The following CNTNAP2 variants were observed in gnomAD, a reference collection of about 807,000 sequenced individuals.
CNTNAP2 encodes the protein contactin associated protein 2.
A neutral mutation model predicts 155.2 loss-of-function variants in CNTNAP2; 98 were observed. The ratio of observed to expected loss-of-function variants is 0.63; its 90% CI spans 0.54 to 0.75. The LOEUF (loss-of-function observed/expected upper bound fraction) is 0.75, where lower values mean the gene tolerates loss of function less well. Ranked by LOEUF, CNTNAP2 falls within the 30% of genes least tolerant of loss-of-function variation. CNTNAP2 has a pLI of 0.00. For synonymous variants in CNTNAP2, 651 were observed against 631.2 expected, an observed-to-expected ratio of 1.03 and a Z score of -0.47; for missense variants, 1,727 against 1,688.1, an observed-to-expected ratio of 1.02 and a Z score of -0.40.
At chr7:148,330,738 G>GA (rs1421105828) in intron 21 of CNTNAP2, among the ~76,000 whole-genome samples, 4 of 146,870 alleles carry the variant, frequency 2.7e-5, no homozygotes, top group African/African-American at 7.6e-5. Context: ...TGGATGGATG[G>GA]ATGGATGGAT....
intron 13 of CNTNAP2, among the ~76,000 whole-genome samples, chr7:147,789,654 G>A: frequency 6.6e-6 from 1 of 152,198 alleles, no homozygotes; most frequent in East Asian, 1.9e-4. Flanking sequence ...TCAGTGGACT[G>A]GGAGCGAAAG....
At chr7:148,401,757 C>A (rs1406102110) in intron 22 of CNTNAP2, among the ~76,000 whole-genome samples, 2 of 152,096 alleles carry the variant, frequency 1.3e-5, no homozygotes, top group African/African-American at 4.8e-5. Context: ...CACCACCACA[C>A]CCAGCTACTT....
At chr7:147,951,868 A>G (rs937704781) in intron 14 of CNTNAP2, among the ~76,000 whole-genome samples, 7 of 152,008 alleles carry the variant, frequency 4.6e-5, no homozygotes, top group African/African-American at 1.4e-4. Flanking sequence ...GCAAACCACC[A>G]TGGCACATGT....
chr7:147,370,904 A>AT (rs556495229), intron 9 of CNTNAP2, among the ~76,000 whole-genome samples: 82 of 152,284 alleles, frequency 5.4e-4, no homozygotes, highest in Middle Eastern at 6.8e-3. Flanking sequence ...TATGCTTAGT[A>AT]TTACCAATTG....
chr7:146,848,248 G>A (rs1046581824), intron 3 of CNTNAP2, among the ~76,000 whole-genome samples: 3 of 152,286 alleles, frequency 2.0e-5, no homozygotes, highest in African/African-American at 4.8e-5. Context: ...GAACTCTCAC[G>A]AGAAAGAGGA....
chr7:146,495,925 A>C (rs1294360393), intron 1 of CNTNAP2, among the ~76,000 whole-genome samples: 2 of 152,148 alleles, frequency 1.3e-5, no homozygotes, highest in East Asian at 3.9e-4. Context: ...GAGGAAAATG[A>C]GCAGCAAAGA....
chr7:148,407,726 G>T (rs1367824777), intron 22 of CNTNAP2, among the ~76,000 whole-genome samples: 1 of 66,466 alleles, frequency 1.5e-5, no homozygotes, highest in Admixed American at 1.4e-4. Flanking sequence ...AAAAAAAAAA[G>T]GATTGAGCCA....
rs1195434690 is a variant in CNTNAP2 at position 148,143,736 on chromosome 7, C to T, written c.2555-3755C>T. Among the ~76,000 whole-genome samples the T allele has an allele frequency of 2.0e-5, 3 of 152,164 alleles. No homozygotes were observed. In the East Asian group the frequency reaches 5.8e-4, roughly 29 times the overall value. On this transcript the variant is annotated intron_variant, in intron 16 of 23. Coordinates refer to ENST00000361727, the MANE Select transcript of CNTNAP2 (RefSeq NM_014141.6). ...AACAATGTCAGCCATGACCCAGGCTCATCCTCTGTCCTCTCTGTCCTCTGT... is the reference window on the plus strand; with the variant it reads ...AACAATGTCAGCCATGACCCAGGCTTATCCTCTGTCCTCTCTGTCCTCTGT...
intron 15 of CNTNAP2, among the ~76,000 whole-genome samples, chr7:147,997,588 G>GCA (rs1563162106): frequency 6.6e-6 from 1 of 151,760 alleles, no homozygotes; most frequent in East Asian, 1.9e-4. Context: ...AACAAGAGAC[G>GCA]CACAGTGAAG....
intron 9 of CNTNAP2, among the ~76,000 whole-genome samples, chr7:147,338,203 C>T (rs1584883226): frequency 1.3e-5 from 2 of 152,058 alleles, no homozygotes; most frequent in African/African-American, 4.8e-5. Flanking sequence ...GAATGAATGC[C>T]AGCAGGGGAA....
intron 15 of CNTNAP2, among the ~76,000 whole-genome samples, chr7:148,051,900 G>A (rs1188917854): frequency 6.6e-6 from 1 of 152,182 alleles, no homozygotes; most frequent in African/African-American, 2.4e-5. Flanking sequence ...AGCAGTTTGG[G>A]AGGCCGAGGC....
chr7:146,182,908 A>G (rs1798570101), intron 1 of CNTNAP2, among the ~76,000 whole-genome samples: 1 of 152,118 alleles, frequency 6.6e-6, no homozygotes, highest in South Asian at 2.1e-4. Flanking sequence ...GGTCCTGCTC[A>G]TCTTTCTATG....
rs903073119 is a variant in CNTNAP2 at position 147,409,530 on chromosome 7, A to T, written c.1670+13750A>T. ...ACGAAGACACAAAAGCAATTGCAAC[A>T]CAAGCAAAATTTGACAAACATGATG... On this transcript the variant is annotated intron_variant, in intron 10 of 23. Transcript: ENST00000361727. Among the ~76,000 whole-genome samples the T allele has an allele frequency of 2.0e-5, 3 of 152,324 alleles. No homozygotes were observed. In the South Asian group the frequency reaches 6.2e-4, roughly 32 times the overall value.
chr7:146,946,647 A>G (rs187195010), intron 3 of CNTNAP2, among the ~76,000 whole-genome samples: 1 of 152,308 alleles, frequency 6.6e-6, no homozygotes, highest in East Asian at 1.9e-4. Flanking sequence ...ATTTAAAATC[A>G]TGTATAACTA....
chr7:146,781,237 A>T (rs1329849214), intron 2 of CNTNAP2, among the ~76,000 whole-genome samples: 1 of 151,430 alleles, frequency 6.6e-6, no homozygotes, highest in Admixed American at 6.6e-5. Flanking sequence ...CAAAAAAAAA[A>T]AAACAAAAAA....
chr7:146,167,519 A>G (rs1040029059), intron 1 of CNTNAP2, among the ~76,000 whole-genome samples: 25 of 152,236 alleles, frequency 1.6e-4, no homozygotes, highest in African/African-American at 5.5e-4. Context: ...TGAAGAGGAC[A>G]TAAACTCAAA....
intron 8 of CNTNAP2, among the ~76,000 whole-genome samples, chr7:147,287,128 A>C (rs1224217688): frequency 6.6e-6 from 1 of 152,118 alleles, no homozygotes; most frequent in Non-Finnish European, 1.5e-5. Context: ...CAAATATAGC[A>C]CGGGCAAGTG....
intron 21 of CNTNAP2, among the ~76,000 whole-genome samples, chr7:148,370,613 T>C (rs1188714010): frequency 6.6e-6 from 1 of 151,332 alleles, no homozygotes; most frequent in Non-Finnish European, 1.5e-5. Flanking sequence ...AGGACTTGCC[T>C]TCTCCCCTGC....
chr7:146,797,334 G>C (rs956822235), intron 2 of CNTNAP2, among the ~76,000 whole-genome samples: 1 of 152,124 alleles, frequency 6.6e-6, no homozygotes, highest in African/African-American at 2.4e-5. Context: ...GGTGTTCAAG[G>C]GAAAGTGATG....
Sources: gnomAD v4.1 joint callset for allele counts (sites outside exome capture counted in the v4.1 genomes callset) on GRCh38, gnomAD v4.1.1 for gene constraint, MANE v1.5 for transcripts, NCBI Gene and HGNC (gene_info 2026-07-23, HGNC 2026-07-21) for gene names.